AKAP6: variants seen among roughly 807,000 people sequenced by gnomAD.
The protein encoded by AKAP6 is A-kinase anchor protein 6.
Under a neutral mutation model 188.5 loss-of-function variants are expected in AKAP6, and 58 were observed. That is an observed-to-expected ratio of 0.31 (90% CI 0.25 to 0.38). AKAP6 has a LOEUF of 0.38. Among genes scored for constraint, AKAP6 ranks in the 10% least tolerant of loss-of-function variants. The pLI is 1.00. For synonymous variants in AKAP6, 989 were observed against 998.6 expected (o/e 0.99, Z 0.18); for missense variants, 2,710 against 2,740.0 (o/e 0.99, Z 0.24).
At chr14:32,505,606 C>A (rs1240420075) in intron 2 of AKAP6, among the ~76,000 whole-genome samples, 1 of 152,006 alleles carries the variant, frequency 6.6e-6, no homozygotes, top group African/African-American at 2.4e-5. Flanking sequence ...AATACTTATT[C>A]TGTCTTTATG....
In AKAP6 at chr14:32,492,351, TATATAG is replaced by T. The variant is rs200003508; in HGVS notation, c.325-43201_325-43196del. Reference sequence around the variant, plus strand: ...AACTACATTGTAATATATATATATATATATAGAGAGAGAGAGAGAGAGAGAGAGAGA... The same window carrying T: ...AACTACATTGTAATATATATATATATAGAGAGAGAGAGAGAGAGAGAGAGA... On this transcript the variant is annotated intron_variant, in intron 2 of 13. Transcript: ENST00000280979. Among the ~76,000 whole-genome samples, 197 of 54,940 alleles carry T rather than the reference TATATAG, an allele frequency of 3.6e-3. 2 individuals carry two copies. In the East Asian group the frequency reaches 0.047, roughly 13 times the overall value. The allele number at this position is 54,940 out of a possible 152,430, so 36.0% of individuals were successfully genotyped here.
At chr14:32,509,117 CCTCTTTT>C (rs1422679511) in intron 2 of AKAP6, among the ~76,000 whole-genome samples, 1 of 90,250 alleles carries the variant, frequency 1.1e-5, no homozygotes, top group Non-Finnish European at 2.2e-5. Flanking sequence ...CCATGCCCTG[CCTCTTTT>C]TTTTTTTTTT....
chr14:32,659,142 C>T (rs183451707), intron 7 of AKAP6, among the ~76,000 whole-genome samples: 61 of 152,176 alleles, frequency 4.0e-4, no homozygotes, highest in Admixed American at 7.9e-4. Context: ...TTTTAGCACA[C>T]GATGATTCCG....
intron 7 of AKAP6, among the ~76,000 whole-genome samples, chr14:32,635,374 TG>T (rs1887441208): frequency 6.6e-6 from 1 of 152,094 alleles, no homozygotes; most frequent in African/African-American, 2.4e-5. Flanking sequence ...AATAAGTAAC[TG>T]GGGCTCCATA....
At chr14:32,336,907 C>G (rs969530449) in intron 1 of AKAP6, among the ~76,000 whole-genome samples, 1 of 152,166 alleles carries the variant, frequency 6.6e-6, no homozygotes. Flanking sequence ...CTGTTTATTC[C>G]TATTACATTA....
intron 2 of AKAP6, among the ~76,000 whole-genome samples, chr14:32,476,513 T>G (rs1303123567): frequency 6.6e-6 from 1 of 152,210 alleles, no homozygotes; most frequent in Non-Finnish European, 1.5e-5. Flanking sequence ...AATAAGATTT[T>G]TGTATAGAAT....
At position 32,462,348 on chromosome 14, in the gene AKAP6, C is replaced by T. The variant is rs7143385; in HGVS notation, c.324+28531C>T. ...CCAGAGAGAAAGGTCAGGTTACCTA[C>T]AAAGGGAAGCTCATCAGACTAACAG... On this transcript the variant is annotated intron_variant, in intron 2 of 13. Transcript: ENST00000280979. Among the ~76,000 whole-genome samples, 901 of 152,224 alleles carry T rather than the reference C, an allele frequency of 5.9e-3. 6 individuals carry two copies. The highest frequency in any genetic ancestry group is 0.021 in the African/African-American group (863 of 41,536).
intron 2 of AKAP6, among the ~76,000 whole-genome samples, chr14:32,446,431 A>AT (rs1890757565): frequency 6.6e-6 from 1 of 151,988 alleles, no homozygotes; most frequent in Non-Finnish European, 1.5e-5. Flanking sequence ...TTTCCTTTTC[A>AT]TTTTTCTCCT....
intron 12 of AKAP6, among the ~76,000 whole-genome samples, chr14:32,801,430 A>G (rs1268433792): frequency 2.0e-5 from 3 of 152,206 alleles, no homozygotes; most frequent in African/African-American, 7.2e-5. Flanking sequence ...AGTATACTCA[A>G]TTCCTCCCTC....
chr14:32,478,971 G>A (rs7149658), intron 2 of AKAP6, among the ~76,000 whole-genome samples: 40,729 of 151,930 alleles, frequency 0.27, 5,899 homozygotes, highest in Non-Finnish European at 0.31. Context: ...ATATTTTGGG[G>A]GGAGAGGAGA....
intron 2 of AKAP6, among the ~76,000 whole-genome samples, chr14:32,453,556 A>ATAATAGAAT (rs1308246529): frequency 6.9e-6 from 1 of 144,186 alleles, no homozygotes; most frequent in Admixed American, 7.1e-5. Context: ...TCCTGTGGAG[A>ATAATAGAAT]TAATAGAATT....
chr14:32,587,003 A>T (rs1885280604), intron 5 of AKAP6, among the ~76,000 whole-genome samples: 1 of 152,220 alleles, frequency 6.6e-6, no homozygotes, highest in Admixed American at 6.5e-5. Context: ...TCAACAATGC[A>T]TGAGAGTGCC....
chr14:32,719,161 C>T (rs1453974965), intron 9 of AKAP6, among the ~76,000 whole-genome samples: 1 of 144,744 alleles, frequency 6.9e-6, no homozygotes, highest in Non-Finnish European at 1.5e-5. Context: ...AAATACTCTG[C>T]CAAAAAAAAA....
chr14:32,580,640 C>G (rs1014387765), intron 5 of AKAP6, among the ~76,000 whole-genome samples: 2 of 152,168 alleles, frequency 1.3e-5, no homozygotes, highest in Admixed American at 1.3e-4. Flanking sequence ...GCCATGCTGG[C>G]ATGCTGCACC....
chr14:32,767,045 C>A (rs1446123408), intron 11 of AKAP6, among the ~76,000 whole-genome samples: 1 of 152,070 alleles, frequency 6.6e-6, no homozygotes, highest in East Asian at 1.9e-4. Flanking sequence ...TGTCTCAGCA[C>A]CATTTGTTGA....
chr14:32,599,328 T>C (rs1885828783), intron 5 of AKAP6, 82 bp from the exon 6 acceptor site: 1 of 1,195,040 alleles, frequency 8.4e-7, no homozygotes, highest in Non-Finnish European at 1.2e-6. Context: ...TGGTTCTTGA[T>C]AAAAAGTAGC....
intron 3 of AKAP6, among the ~76,000 whole-genome samples, chr14:32,537,306 G>A (rs1345742281): frequency 1.3e-5 from 2 of 152,162 alleles, no homozygotes; most frequent in Non-Finnish European, 2.9e-5. Context: ...GAGTAACCAC[G>A]GGATGAATAT....
chr14:32,487,668 T>A (rs970273947), intron 2 of AKAP6, among the ~76,000 whole-genome samples: 1 of 152,252 alleles, frequency 6.6e-6, no homozygotes, highest in African/African-American at 2.4e-5. Context: ...TTTTTCCTCA[T>A]CTTCATGGAT....
intron 2 of AKAP6, among the ~76,000 whole-genome samples, chr14:32,504,307 G>T (rs1880753869): frequency 6.6e-6 from 1 of 152,020 alleles, no homozygotes; most frequent in Non-Finnish European, 1.5e-5. Flanking sequence ...TTGATATAGG[G>T]TCTTGCCCTG....
Sources: gnomAD v4.1 joint callset for allele counts (sites outside exome capture counted in the v4.1 genomes callset) on GRCh38, gnomAD v4.1.1 for gene constraint, MANE v1.5 for transcripts, NCBI Gene and HGNC (gene_info 2026-07-23, HGNC 2026-07-21) for gene names.